The following GBE1 variants were observed in gnomAD, a reference collection of about 807,000 sequenced individuals.
GBE1 encodes 1,4-alpha-glucan-branching enzyme.
Under a neutral mutation model 88.8 loss-of-function variants are expected in GBE1, and 70 were observed. The observed-to-expected ratio is 0.79, with a 90% CI of 0.65 to 0.96. The LOEUF is 0.96. GBE1 is among the 40% of genes least tolerant of loss of function. GBE1 has a pLI of 0.00. For missense variants in GBE1, 872 were observed against 871.0 expected (o/e 1.00, Z -0.01); for synonymous variants, 284 against 300.1 (o/e 0.95, Z 0.56).
chr3:81,644,244 C>T (rs973358672), intron 6 of GBE1, among the ~76,000 whole-genome samples: 10 of 151,804 alleles, frequency 6.6e-5, no homozygotes, highest in Admixed American at 6.6e-5. Flanking sequence ...CATAGAATGT[C>T]GATAATAATA....
intron 12 of GBE1, among the ~76,000 whole-genome samples, chr3:81,561,307 C>A (rs1253275065): frequency 1.3e-5 from 2 of 151,960 alleles, no homozygotes; most frequent in Non-Finnish European, 1.5e-5. Context: ...TGGACTAAAA[C>A]AATTTTCCAG....
chr3:81,570,506 C>A (rs1703559461), intron 12 of GBE1, among the ~76,000 whole-genome samples: 1 of 152,160 alleles, frequency 6.6e-6, no homozygotes, highest in African/African-American at 2.4e-5. Context: ...AGTAAAGTTG[C>A]ATAAAGTTAC....
intron 1 of GBE1, among the ~76,000 whole-genome samples, chr3:81,748,701 G>C (rs930664661): frequency 4.6e-5 from 7 of 151,880 alleles, no homozygotes; most frequent in Non-Finnish European, 1.0e-4. Context: ...ATGCAAACTT[G>C]TACAGATACT....
At chr3:81,492,513 C>T (rs986445592) in intron 15 of GBE1, among the ~76,000 whole-genome samples, 1 of 152,046 alleles carries the variant, frequency 6.6e-6, no homozygotes, top group African/African-American at 2.4e-5. Context: ...CCATTCCCTC[C>T]CTACATCTTA....
intron 12 of GBE1, among the ~76,000 whole-genome samples, chr3:81,574,063 G>A (rs1381336102): frequency 6.6e-6 from 1 of 152,010 alleles, no homozygotes; most frequent in Non-Finnish European, 1.5e-5. Context: ...AAGGTAAATT[G>A]GTGAGACTTA....
chr3:81,605,057 T>C (rs1267092546), intron 7 of GBE1, among the ~76,000 whole-genome samples: 1 of 152,138 alleles, frequency 6.6e-6, no homozygotes, highest in East Asian at 1.9e-4. Context: ...TTGGTGAATG[T>C]ATGGCCTACA....
intron 12 of GBE1, among the ~76,000 whole-genome samples, chr3:81,573,091 A>T (rs957082119): frequency 8.6e-5 from 13 of 150,586 alleles, no homozygotes; most frequent in Admixed American, 5.3e-4. Flanking sequence ...ATGATTATTT[A>T]AAAAAAAATA....
chr3:81,565,563 G>A (rs1218899902), intron 12 of GBE1, among the ~76,000 whole-genome samples: 4 of 152,194 alleles, frequency 2.6e-5, no homozygotes, highest in African/African-American at 7.2e-5. Context: ...GCTTTGGGGA[G>A]AATGTAACAT....
At chr3:81,756,413 T>C (rs921127957) in intron 1 of GBE1, among the ~76,000 whole-genome samples, 3 of 152,196 alleles carry the variant, frequency 2.0e-5, no homozygotes, top group African/African-American at 7.2e-5. Context: ...CAGAAGATAT[T>C]CACTCAGCCA....
chr3:81,515,645 T>A (rs984157451), intron 14 of GBE1, among the ~76,000 whole-genome samples: 2 of 151,668 alleles, frequency 1.3e-5, no homozygotes, highest in African/African-American at 4.8e-5. Flanking sequence ...GAGAAAGGCA[T>A]GTTCAAAGTT....
chr3:81,616,814 A>G (rs1704253960), intron 7 of GBE1, among the ~76,000 whole-genome samples: 1 of 152,122 alleles, frequency 6.6e-6, no homozygotes, highest in Non-Finnish European at 1.5e-5. Flanking sequence ...TGAGTTGTCC[A>G]ATCTGTGAAC....
At chr3:81,726,481 AT>A (rs758480867) in intron 1 of GBE1, among the ~76,000 whole-genome samples, 76 of 151,622 alleles carry the variant, frequency 5.0e-4, no homozygotes, top group South Asian at 1.0e-3. Context: ...CACTGTTTTT[AT>A]TTTTTTTAAG....
chr3:81,669,633 AAC>A (rs534835674), intron 3 of GBE1, among the ~76,000 whole-genome samples: 20 of 151,368 alleles, frequency 1.3e-4, no homozygotes, highest in Non-Finnish European at 1.5e-4. Context: ...GGAAAAAAAA[AAC>A]ACACACACAC....
chr3:81,564,380 A>G (rs1253142718), intron 12 of GBE1, among the ~76,000 whole-genome samples: 2 of 152,118 alleles, frequency 1.3e-5, no homozygotes, highest in Admixed American at 1.3e-4. Flanking sequence ...GGAGAAATTC[A>G]AAAGGAGTCA....
chr3:81,504,268 GA>G (rs1191449233), intron 14 of GBE1, among the ~76,000 whole-genome samples: 1 of 151,436 alleles, frequency 6.6e-6, no homozygotes, highest in Non-Finnish European at 1.5e-5. Flanking sequence ...AATAAAAATA[GA>G]AAAATCAGAT....
intron 1 of GBE1, among the ~76,000 whole-genome samples, chr3:81,718,675 T>A (rs552226102): frequency 6.6e-6 from 1 of 152,112 alleles, no homozygotes; most frequent in East Asian, 1.9e-4. Flanking sequence ...TTGCTCTTGT[T>A]GCCCAGGCTG....
chr3:81,521,388 C>CA (rs964722630), intron 14 of GBE1, among the ~76,000 whole-genome samples: 3 of 151,684 alleles, frequency 2.0e-5, no homozygotes, highest in Admixed American at 2.0e-4. Context: ...AATCTGTATT[C>CA]AATTCACTTG....
chr3:81,638,205 A>G (rs1426176666), intron 7 of GBE1, among the ~76,000 whole-genome samples: 1 of 152,136 alleles, frequency 6.6e-6, no homozygotes, highest in Admixed American at 6.6e-5. Context: ...TAGTTGCTCA[A>G]GAAAAGAGAG....
intron 3 of GBE1, among the ~76,000 whole-genome samples, chr3:81,652,794 T>G (rs1704869418): frequency 6.6e-6 from 1 of 152,172 alleles, no homozygotes; most frequent in Non-Finnish European, 1.5e-5. Context: ...TAAATAAATT[T>G]AATTTGAGAG....
Sources: gnomAD v4.1 joint callset for allele counts (sites outside exome capture counted in the v4.1 genomes callset) on GRCh38, gnomAD v4.1.1 for gene constraint, MANE v1.5 for transcripts, NCBI Gene and HGNC (gene_info 2026-07-23, HGNC 2026-07-21) for gene names.